Variants in GALNT16 observed in about 807,000 individuals in gnomAD.
GALNT16 encodes UDP-GalNAc:polypeptide N-acetylgalactosaminyltransferase-like protein 1.
GALNT16 carries 40 observed loss-of-function variants against 76.1 expected under a neutral mutation model. That is an observed-to-expected ratio of 0.53 (90% CI 0.41 to 0.68). GALNT16 has a LOEUF of 0.68. Among genes scored for constraint, GALNT16 ranks in the 30% least tolerant of loss-of-function variants. The pLI is 0.00. For missense variants in GALNT16, 621 were observed against 731.9 expected (o/e 0.85, Z 1.75); for synonymous variants, 276 against 285.2 (o/e 0.97, Z 0.32).
rs1323014752 is a variant in GALNT16, at chr14:69,261,838, C to A, written c.177+1371C>A. Among the ~76,000 whole-genome samples, 1 of 152,122 alleles carries A rather than the reference C, an allele frequency of 6.6e-6. No individual in the cohort carries two copies. Among genetic ancestry groups the A allele is most frequent in the African/African-American group, 2.4e-5 (1 of 41,410 alleles). ...GAGGTTGTGGGTTTTGTCCTAGATA[C>A]CAGTCTGGGTGAACTCTCTGGGGGC... On this transcript the variant is annotated intron_variant, in intron 1 of 14. Transcript: ENST00000448469. The surrounding 1 kb of genome is among the most constrained non-coding windows in gnomAD (Gnocchi z 6.4).
chr14:69,364,207 C>T, the GALNT16 span, among the ~76,000 whole-genome samples: 4 of 152,252 alleles, frequency 2.6e-5, no homozygotes, highest in East Asian at 7.7e-4. This position sits in a 1 kb window ranked among gnomAD's most constrained non-coding sequence, Gnocchi z 4.2. Flanking sequence ...GGGGATTGTT[C>T]TTTGTCAGTT....
chr14:69,347,195 G>A lies in GALNT16; in HGVS notation c.1413+14G>A, dbSNP rs1185281818. On this transcript the variant is annotated intron_variant, in intron 13 of 14. Coordinates refer to ENST00000448469, the MANE Select transcript of GALNT16 (RefSeq NM_001168368.2). ...CAGCCCGCCCAGGTAAGGACCTCGG[G>A]TAGGAATGGGAGTGGGAGAGAGCTG... is the stretch of plus-strand genomic sequence containing the variant. 8 of 1,594,558 alleles carry A rather than the reference G, an allele frequency of 5.0e-6. No individual in the cohort carries two copies. In the South Asian group the frequency reaches 8.0e-5, roughly 16 times the overall value.
rs553605733 is a variant in GALNT16 at position 69,341,868 on chromosome 14, T to C, written c.1271+104T>C. The C allele has an allele frequency of 8.2e-4, 587 of 719,872 alleles. 3 individuals are homozygous for C. Among genetic ancestry groups the C allele is most frequent in the South Asian group, 2.4e-3 (153 of 63,310 alleles). 44.6% of individuals were successfully genotyped at this position (719,872 alleles called of 1,614,324 possible). A position where few individuals can be genotyped will look rare whatever the true frequency, so the allele number is the denominator to read the frequency against. ...CCTTAGATCTCCTCAACACTGGTGATCTGGCTTTCTAGCTGCCGGGTTTTA... is the reference window on the plus strand; with the variant it reads ...CCTTAGATCTCCTCAACACTGGTGACCTGGCTTTCTAGCTGCCGGGTTTTA... On this transcript the variant is annotated intron_variant, in intron 12 of 14. Transcript: ENST00000448469.
chr14:69,267,323 G>T (rs2044353200), intron 1 of GALNT16, among the ~76,000 whole-genome samples: 1 of 152,240 alleles, frequency 6.6e-6, no homozygotes, highest in South Asian at 2.1e-4. Context: ...TTGGGAAAGA[G>T]GGGGCGACTG....
chr14:69,290,077 A>G (rs185948764), intron 1 of GALNT16, among the ~76,000 whole-genome samples: 1 of 152,252 alleles, frequency 6.6e-6, no homozygotes, highest in African/African-American at 2.4e-5. Flanking sequence ...TCATATGAAC[A>G]TATGCTTTGT....
chr14:69,340,973 C>A (rs919280555), intron 11 of GALNT16, among the ~76,000 whole-genome samples: 1 of 152,184 alleles, frequency 6.6e-6, no homozygotes, highest in African/African-American at 2.4e-5. Flanking sequence ...AATCTTCTCC[C>A]TATTTATTCA....
chr14:69,362,368 G>A, the GALNT16 span, among the ~76,000 whole-genome samples: 2 of 152,252 alleles, frequency 1.3e-5, no homozygotes, highest in Non-Finnish European at 2.9e-5. Flanking sequence ...TTGAGGTGGA[G>A]GCTCCAGGGT....
intron 12 of GALNT16, among the ~76,000 whole-genome samples, chr14:69,344,687 A>C (rs750942647): frequency 2.6e-5 from 4 of 152,008 alleles, no homozygotes; most frequent in African/African-American, 9.7e-5. Context: ...GGGCATTGCC[A>C]CTCTTGGTCA....
chr14:69,302,874 A>T (rs1227505853), intron 1 of GALNT16, among the ~76,000 whole-genome samples: 1 of 152,214 alleles, frequency 6.6e-6, no homozygotes, highest in East Asian at 1.9e-4. Context: ...TATTTGAGAC[A>T]TACTTATACC....
In GALNT16 at chr14:69,333,735, A is replaced by G. The variant is rs553982548; in HGVS notation, c.967+135A>G. 1.2e-4 allele frequency: 71 copies of G among 597,734 alleles called. No individual in the cohort carries two copies. The highest frequency in any genetic ancestry group is 1.2e-3 in the African/African-American group (61 of 52,530). 37.0% of individuals were successfully genotyped at this position (597,734 alleles called of 1,614,324 possible). Reference sequence around the variant, plus strand: ...ATGAGGTCATTTAATTCTCTCAAGGACCCTCTGAGGTAAGTACCATGATCT... The same window carrying G: ...ATGAGGTCATTTAATTCTCTCAAGGGCCCTCTGAGGTAAGTACCATGATCT... On this transcript the variant is annotated intron_variant, in intron 9 of 14. Transcript: ENST00000448469. This position sits in a 1 kb window ranked among gnomAD's most constrained non-coding sequence, Gnocchi z 4.2.
At chr14:69,363,688 T>A in the GALNT16 span, among the ~76,000 whole-genome samples, 2 of 152,136 alleles carry the variant, frequency 1.3e-5, no homozygotes, top group Non-Finnish European at 2.9e-5. Flanking sequence ...AATGAATGAA[T>A]GAATGAATGG....
At chr14:69,347,838 G>A (rs1307220784) in intron 13 of GALNT16, 39 bp from the exon 14 acceptor site, 3 of 1,608,082 alleles carry the variant, frequency 1.9e-6, no homozygotes, top group Admixed American at 1.7e-5. Context: ...ACCCATCGCT[G>A]TACTTTTTGA....
chr14:69,290,315 G>T (rs965802954), intron 1 of GALNT16, among the ~76,000 whole-genome samples: 1 of 152,182 alleles, frequency 6.6e-6, no homozygotes, highest in Non-Finnish European at 1.5e-5. Context: ...AGGACCCTTT[G>T]CCTCAGGAAA....
chr14:69,313,536 G>C (rs1481457577), intron 1 of GALNT16, among the ~76,000 whole-genome samples: 1 of 152,220 alleles, frequency 6.6e-6, no homozygotes, highest in Admixed American at 6.5e-5. Context: ...CCACTTTCTT[G>C]GTGAGATCAC....
the GALNT16 span, among the ~76,000 whole-genome samples, chr14:69,364,803 G>T: frequency 0.045 from 6,834 of 152,266 alleles, 212 homozygotes; most frequent in South Asian, 0.11. The surrounding 1 kb of genome is among the most constrained non-coding windows in gnomAD (Gnocchi z 4.2). Context: ...GGGCAGGAGG[G>T]TGGAAGGAGC....
rs1199685184 is a variant in GALNT16, at chr14:69,320,766, AG to A, written c.234del (p.Gln78HisfsTer2). On this transcript the variant is annotated frameshift_variant, in exon 2 of 15. Coordinates refer to ENST00000448469, the MANE Select transcript of GALNT16 (RefSeq NM_001168368.2). LOFTEE classifies it high-confidence loss of function. ...FDEKAYLSAK[Q>X]LKAGEDPYRQ... ...GAGAAGGCCTACCTGTCGGCCAAGC[AG>A]CTGAAGGCTGGAGAGGACCCCTACA... 2 of 1,614,184 alleles carry A rather than the reference AG, an allele frequency of 1.2e-6. No individual in the cohort carries two copies. The highest frequency in any genetic ancestry group is 2.2e-5 in the South Asian group (2 of 91,088).
intron 1 of GALNT16, among the ~76,000 whole-genome samples, chr14:69,266,842 A>G (rs779478645): frequency 3.3e-5 from 5 of 152,224 alleles, no homozygotes; most frequent in Non-Finnish European, 5.9e-5. Context: ...CCAGAAATCC[A>G]TAACTGCTGC....
chr14:69,298,656 C>T (rs991386929), intron 1 of GALNT16: 2 of 152,260 alleles, frequency 1.3e-5, no homozygotes, highest in African/African-American at 4.8e-5. Context: ...GCCTGGTTGC[C>T]ACAGCAACAG....
chr14:69,356,037 A>G (rs1266643780), downstream of GALNT16: 2 of 152,248 alleles, frequency 1.3e-5, no homozygotes, highest in African/African-American at 2.4e-5. Context: ...TTTCATTGCC[A>G]ACAATGTTCT....
Sources: allele counts gnomAD v4.1 joint callset (sites outside exome capture counted in the v4.1 genomes callset), GRCh38; gene constraint gnomAD v4.1.1; non-coding constraint Gnocchi (gnomAD v3.1); transcripts MANE v1.5; gene names NCBI Gene and HGNC (gene_info 2026-07-23, HGNC 2026-07-21).